Variants in SMPX observed in about 807,000 individuals in gnomAD.
SMPX encodes the protein small muscle protein X-linked.
A neutral mutation model predicts 6.3 loss-of-function variants in SMPX; 2 were observed. That is an observed-to-expected ratio of 0.32 (90% CI 0.13 to 0.99). SMPX has a LOEUF of 0.99. SMPX is among the 50% of genes least tolerant of loss of function. The pLI is 0.49. For synonymous variants in SMPX, 32 were observed against 24.7 expected (o/e 1.30, Z -0.88); for missense variants, 60 against 66.8 (o/e 0.90, Z 0.36).
intron 4 of SMPX, among the ~76,000 whole-genome samples, chrX:21,721,057 A>G (rs1240162384): frequency 1.8e-5 from 2 of 111,989 alleles, no homozygotes; most frequent in South Asian, 3.8e-4. Flanking sequence ...TGCTGAGTTC[A>G]TAGTTAAACC....
intron 2 of SMPX, 106 bp downstream of exon 2, chrX:21,754,140 T>C: frequency 1.4e-6 from 1 of 717,929 alleles, no homozygotes; most frequent in Admixed American, 2.2e-5. Context: ...ACAAATCTTA[T>C]GAAGAACTTA....
chrX:21,745,784 G>A (rs1048461970), intron 2 of SMPX, among the ~76,000 whole-genome samples: 2 of 111,876 alleles, frequency 1.8e-5, no homozygotes, highest in African/African-American at 6.5e-5. Flanking sequence ...GTGAGCTCAA[G>A]TTATCATATT....
At chrX:21,725,437 G>T (rs1402324373) in intron 4 of SMPX, among the ~76,000 whole-genome samples, 1 of 112,222 alleles carries the variant, frequency 8.9e-6, no homozygotes, top group Admixed American at 9.4e-5. Flanking sequence ...TTGAGAGTAG[G>T]GCAATGGCAG....
chrX:21,748,117 C>T (rs914365879), intron 2 of SMPX, among the ~76,000 whole-genome samples: 11 of 111,527 alleles, frequency 9.9e-5, no homozygotes, highest in African/African-American at 2.6e-4. Context: ...GATATATTAA[C>T]GTAAAATGAG....
intron 4 of SMPX, among the ~76,000 whole-genome samples, chrX:21,720,046 G>T (rs1464273482): frequency 1.8e-5 from 2 of 111,996 alleles, no homozygotes; most frequent in East Asian, 2.8e-4. Flanking sequence ...AGGTGGCTAT[G>T]GTAGGCAGCC....
intron 4 of SMPX, among the ~76,000 whole-genome samples, chrX:21,716,839 T>C (rs1369084987): frequency 8.9e-6 from 1 of 111,861 alleles, no homozygotes; most frequent in Admixed American, 9.4e-5. Context: ...AGATTTGAGG[T>C]AAAACGTCTC....
In SMPX at chrX:21,729,378, G is replaced by C. The variant is rs138087400; in HGVS notation, c.*14+8171C>G. 8.2e-4 allele frequency among the ~76,000 whole-genome samples: 92 copies of C among 111,964 alleles called. 2 individuals carry two copies. In the East Asian group the frequency reaches 0.023, roughly 28 times the overall value. On this transcript the variant is annotated intron_variant, in intron 4 of 4. Coordinates refer to ENST00000379494, the MANE Select transcript of SMPX (RefSeq NM_014332.3). ...ATTTGGGGCTGGATCATTCTTTGTT[G>C]TAGGAGGCCATCCTTGGCATTGTGG...
chrX:21,709,338 T>A (rs952738210), intron 4 of SMPX, among the ~76,000 whole-genome samples: 3 of 112,074 alleles, frequency 2.7e-5, no homozygotes, highest in Non-Finnish European at 5.6e-5. Context: ...AAATCCAACC[T>A]CCCCATGATT....
Position 21,737,550 on chromosome X carries a change from T to C in SMPX, c.*13A>G. 6 of 1,203,741 alleles carry C rather than the reference T, an allele frequency of 5.0e-6. No individual in the cohort carries two copies. Among genetic ancestry groups the C allele is most frequent in the Non-Finnish European group, 6.8e-6 (6 of 888,823 alleles). Reference sequence around the variant, plus strand: ...CAAAGAAGATAGTTTTTCACTCACCTTTTTTCTTCCTACTACTGTTCAGCT... The same window carrying C: ...CAAAGAAGATAGTTTTTCACTCACCCTTTTTCTTCCTACTACTGTTCAGCT... On this transcript the variant is annotated splice_region_variant and 3_prime_UTR_variant, in exon 4 of 5. Coordinates refer to ENST00000379494, the MANE Select transcript of SMPX (RefSeq NM_014332.3).
At chrX:21,709,668 G>A (rs1049198826) in intron 4 of SMPX, among the ~76,000 whole-genome samples, 1 of 111,877 alleles carries the variant, frequency 8.9e-6, no homozygotes, top group Admixed American at 9.5e-5. Flanking sequence ...TTGGGTTGAT[G>A]TGCTATGTCT....
chrX:21,757,106 T>C, intron 1 of SMPX, among the ~76,000 whole-genome samples: 1 of 111,969 alleles, frequency 8.9e-6, no homozygotes, highest in African/African-American at 3.2e-5. Flanking sequence ...TAAGAAGGGA[T>C]TCAGAGGAAA....
intron 2 of SMPX, among the ~76,000 whole-genome samples, chrX:21,749,689 C>A (rs765161846): frequency 8.9e-6 from 1 of 112,101 alleles, no homozygotes; most frequent in African/African-American, 3.2e-5. Flanking sequence ...ACATTAGGAT[C>A]CATGGAAATC....
intron 4 of SMPX, among the ~76,000 whole-genome samples, chrX:21,729,412 A>G (rs760761356): frequency 3.6e-5 from 4 of 111,639 alleles, no homozygotes; most frequent in Non-Finnish European, 7.5e-5. Context: ...GGGATGTTTA[A>G]TAGCATCCCT....
At chrX:21,715,329 C>T (rs1055071355) in intron 4 of SMPX, among the ~76,000 whole-genome samples, 8 of 109,346 alleles carry the variant, frequency 7.3e-5, no homozygotes, top group Non-Finnish European at 1.3e-4. Flanking sequence ...CGCTCGCGCG[C>T]TGGTGGGGGG....
intron 4 of SMPX, among the ~76,000 whole-genome samples, chrX:21,725,958 G>A: frequency 8.9e-6 from 1 of 111,889 alleles, no homozygotes; most frequent in Non-Finnish European, 1.9e-5. Flanking sequence ...GAGGGCAGAA[G>A]GTATGGGCAG....
In SMPX at chrX:21,742,787, C is replaced by A. The variant is rs760645706; in HGVS notation, c.132+963G>T. Among the ~76,000 whole-genome samples, 8 of 112,270 alleles carry A rather than the reference C, an allele frequency of 7.1e-5. No homozygotes were observed. The South Asian group carries it at 2.6e-3, about 36-fold the overall frequency. The stretch of plus-strand genomic sequence containing the variant: ...AAGCAGGACAAAGTTGTATTAGGAA[C>A]CTTTGAAATGGTAATAGATATTCTT... On this transcript the variant is annotated intron_variant, in intron 3 of 4. Transcript: ENST00000379494.
At position 21,729,532 on chromosome X, in the gene SMPX, C is replaced by G. The variant is rs149074421; in HGVS notation, c.*14+8017G>C. On this transcript the variant is annotated intron_variant, in intron 4 of 4. Coordinates refer to ENST00000379494, the MANE Select transcript of SMPX (RefSeq NM_014332.3). ...GGGAGGAAAAATCCACACCCTCCCC[C>G]CATTGAGAACAAATGAGATAGAGTA... is the stretch of plus-strand genomic sequence containing the variant. Among the ~76,000 whole-genome samples, 12 of 111,693 alleles carry G rather than the reference C, an allele frequency of 1.1e-4. No individual in the cohort carries two copies. The East Asian group carries it at 2.8e-3, about 26-fold the overall frequency.
At chrX:21,740,306 T>C (rs1359681453) in intron 3 of SMPX, among the ~76,000 whole-genome samples, 1 of 112,088 alleles carries the variant, frequency 8.9e-6, no homozygotes, top group African/African-American at 3.2e-5. Context: ...TTTTTAATTT[T>C]GTAAGTGGAT....
chrX:21,728,214 T>TTCTCTCTCTCTCTCTC (rs61469484), intron 4 of SMPX, among the ~76,000 whole-genome samples: 3 of 48,342 alleles, frequency 6.2e-5, no homozygotes, highest in Non-Finnish European at 4.0e-5. Flanking sequence ...TTCCCCTCCT[T>TTCTCTCTCTCTCTCTC]TCTCTCTCTC....
Sources: gnomAD v4.1 joint callset for allele counts (sites outside exome capture counted in the v4.1 genomes callset) on GRCh38, gnomAD v4.1.1 for gene constraint, MANE v1.5 for transcripts, NCBI Gene and HGNC (gene_info 2026-07-23, HGNC 2026-07-21) for gene names.